LRRK1: variants seen among roughly 807,000 people sequenced by gnomAD.
The protein encoded by LRRK1 is leucine rich repeat kinase 1, also known as leucine-rich repeat serine/threonine-protein kinase 1.
A neutral mutation model predicts 209.1 loss-of-function variants in LRRK1; 113 were observed. The observed-to-expected ratio is 0.54, with a 90% confidence interval of 0.46 to 0.63. The LOEUF (loss-of-function observed/expected upper bound fraction) is 0.63, where lower values mean the gene tolerates loss of function less well. Among genes scored for constraint, LRRK1 ranks in the 30% least tolerant of loss-of-function variants. The pLI is 0.00. For synonymous variants in LRRK1, 1,144 were observed against 1,099.7 expected, an observed-to-expected ratio of 1.04 and a Z score of -0.80; for missense variants, 2,284 against 2,632.2, an observed-to-expected ratio of 0.87 and a Z score of 2.89.
chr15:100,955,215 T>C (rs7495974), intron 2 of LRRK1, among the ~76,000 whole-genome samples: 40,891 of 152,064 alleles, frequency 0.27, 5,911 homozygotes, highest in East Asian at 0.5. Context: ...TGTATAGATC[T>C]TTCTGCTTCT....
intron 21 of LRRK1, among the ~76,000 whole-genome samples, chr15:101,047,098 C>T (rs1322996652): frequency 1.3e-5 from 2 of 152,220 alleles, no homozygotes; most frequent in Non-Finnish European, 2.9e-5. Flanking sequence ...GAACCTCTGG[C>T]ATAATCCCTG....
rs1596221891 is a variant in LRRK1, at chr15:100,973,690, GC to G, written c.98-109del. The stretch of plus-strand genomic sequence containing the variant: ...GGGGCCACCCCTCTCTCTTCCTGAA[GC>G]CCCCGCGATCGTGCAACGGGCCGCG... On this transcript the variant is annotated intron_variant, in intron 2 of 33. Coordinates refer to ENST00000388948, the MANE Select transcript of LRRK1 (RefSeq NM_024652.6). 8 of 1,069,326 alleles carry G rather than the reference GC, an allele frequency of 7.5e-6. No individual in the cohort carries two copies. In the East Asian group the frequency reaches 1.9e-4, roughly 26 times the overall value. 66.2% of individuals were successfully genotyped at this position (1,069,326 alleles called of 1,614,324 possible). A position where few individuals can be genotyped will look rare whatever the true frequency, so the allele number is the denominator to read the frequency against.
At chr15:100,976,067 A>G (rs1273000274) in intron 3 of LRRK1, among the ~76,000 whole-genome samples, 1 of 152,234 alleles carries the variant, frequency 6.6e-6, no homozygotes, top group Admixed American at 6.5e-5. Context: ...TTATGTTAAA[A>G]CACTCAAAAA....
At chr15:100,989,477 A>G (rs751065600) in intron 6 of LRRK1, 79 bp downstream of exon 6, 8 of 1,443,592 alleles carry the variant, frequency 5.5e-6, no homozygotes, top group Non-Finnish European at 7.7e-6. Context: ...TGGGTAATTT[A>G]TAATAAACAG....
rs867327402 is a variant in LRRK1 at position 100,962,814 on chromosome 15, T to A, written c.98-10990T>A. 2.1e-4 allele frequency among the ~76,000 whole-genome samples: 7 copies of A among 33,960 alleles called. 2 individuals are homozygous for A. Among genetic ancestry groups the A allele is most frequent in the Non-Finnish European group, 3.9e-4 (6 of 15,238 alleles). 22.3% of individuals were successfully genotyped at this position (33,960 alleles called of 152,430 possible). ...TTTTGCATATATATATATATATATA[T>A]ATATATATATTTTTTTTTTTTTTTT... On this transcript the variant is annotated intron_variant, in intron 2 of 33. Coordinates refer to ENST00000388948, the MANE Select transcript of LRRK1 (RefSeq NM_024652.6).
At chr15:101,037,264 TGC>T (rs1471675945) in intron 20 of LRRK1, among the ~76,000 whole-genome samples, 1 of 152,172 alleles carries the variant, frequency 6.6e-6, no homozygotes, top group Non-Finnish European at 1.5e-5. Context: ...GTTGGGCTTG[TGC>T]ACAGGGCCAC....
intron 2 of LRRK1, among the ~76,000 whole-genome samples, chr15:100,966,899 G>T (rs979893624): frequency 3.3e-5 from 5 of 152,170 alleles, no homozygotes; most frequent in African/African-American, 1.2e-4. Flanking sequence ...GCCTACATAT[G>T]CCCTAAGTTC....
intron 2 of LRRK1, among the ~76,000 whole-genome samples, chr15:100,960,651 T>A (rs530585269): frequency 6.6e-6 from 1 of 152,354 alleles, no homozygotes; most frequent in Non-Finnish European, 1.5e-5. Flanking sequence ...AAGTAAACTC[T>A]GGAAATACTG....
rs1376302581 is a variant in LRRK1, at chr15:101,074,583, C to A, written c.*5735C>A. The stretch of plus-strand genomic sequence containing the variant: ...AATATATATTTTATCACCCAATCTG[C>A]TCCCTACATTAAATAAAACTCCAAA... On this transcript the variant is annotated 3_prime_UTR_variant, in exon 34 of 34. Coordinates refer to ENST00000388948, the MANE Select transcript of LRRK1 (RefSeq NM_024652.6). 6.6e-6 allele frequency: 1 copy of A among 152,180 alleles called. No individual in the cohort carries two copies. Among genetic ancestry groups the A allele is most frequent in the Non-Finnish European group, 1.5e-5 (1 of 68,040 alleles). 9.4% of individuals were successfully genotyped at this position (152,180 alleles called of 1,614,324 possible).
At chr15:101,067,359 C>T (rs1333701980) in intron 33 of LRRK1, 1 of 446,928 alleles carries the variant, frequency 2.2e-6, no homozygotes, top group South Asian at 1.6e-5. Context: ...GTGTTTACAC[C>T]CCGCACTTTG....
intron 27 of LRRK1, 133 bp from the exon 28 acceptor site, chr15:101,056,722 GA>G: frequency 1.6e-6 from 1 of 624,970 alleles, no homozygotes; most frequent in Non-Finnish European, 2.7e-6. Context: ...TGGATAGAGG[GA>G]CATGGTCAGG....
intron 3 of LRRK1, among the ~76,000 whole-genome samples, chr15:100,980,049 T>C (rs1029326157): frequency 6.6e-6 from 1 of 152,122 alleles, no homozygotes; most frequent in African/African-American, 2.4e-5. Context: ...AGAAATACAC[T>C]TATGAACCAG....
chr15:101,047,221 T>C (rs1362295639), intron 21 of LRRK1, among the ~76,000 whole-genome samples: 1 of 152,244 alleles, frequency 6.6e-6, no homozygotes, highest in African/African-American at 2.4e-5. Context: ...TCTTTGATCT[T>C]CCCATTTTTA....
At chr15:101,031,519 A>C (rs144462909) in intron 20 of LRRK1, among the ~76,000 whole-genome samples, 1 of 152,202 alleles carries the variant, frequency 6.6e-6, no homozygotes, top group Non-Finnish European at 1.5e-5. Context: ...CTTGATAGGC[A>C]TTTGGATGGT....
At chr15:100,952,959 A>G (rs907154587) in intron 2 of LRRK1, among the ~76,000 whole-genome samples, 1 of 152,240 alleles carries the variant, frequency 6.6e-6, no homozygotes. Flanking sequence ...ATTAAGCAGC[A>G]TTTTTATTCA....
chr15:100,926,423 T>C (rs1289400638), intron 2 of LRRK1, among the ~76,000 whole-genome samples: 1 of 151,902 alleles, frequency 6.6e-6, no homozygotes, highest in Non-Finnish European at 1.5e-5. Flanking sequence ...GCCTGTAGGG[T>C]AGGTGACTGT....
intron 3 of LRRK1, among the ~76,000 whole-genome samples, chr15:100,978,492 T>G (rs10902588): frequency 0.2 from 30,815 of 151,968 alleles, 3,570 homozygotes; most frequent in East Asian, 0.5. Flanking sequence ...ACCTTGGAAG[T>G]AGTCAAAGGG....
Position 101,024,416 on chromosome 15 carries a change from AG to A in LRRK1, c.2068-385del, listed in dbSNP as rs968382001. ...CACCCTCTGAGCCCCACAAGTTCAG[AG>A]GCCCATCTCCTCCTCTTGCCCTGGC... On this transcript the variant is annotated intron_variant, in intron 15 of 33. Coordinates refer to ENST00000388948, the MANE Select transcript of LRRK1 (RefSeq NM_024652.6). This position sits in a 1 kb window ranked among gnomAD's most constrained non-coding sequence, Gnocchi z 4.6. Among the ~76,000 whole-genome samples, 1 of 152,168 alleles carries A rather than the reference AG, an allele frequency of 6.6e-6. No homozygotes were observed.
intron 2 of LRRK1, among the ~76,000 whole-genome samples, chr15:100,932,303 T>C (rs1200665354): frequency 6.6e-6 from 1 of 152,190 alleles, no homozygotes; most frequent in African/African-American, 2.4e-5. Flanking sequence ...GTTTTCTTCC[T>C]AACCTCTTCC....
Sources: gnomAD v4.1 joint callset for allele counts (sites outside exome capture counted in the v4.1 genomes callset) on GRCh38, gnomAD v4.1.1 for gene constraint, Gnocchi (gnomAD v3.1) non-coding constraint, MANE v1.5 for transcripts, NCBI Gene and HGNC (gene_info 2026-07-23, HGNC 2026-07-21) for gene names.